The following NAV3 variants were observed in gnomAD, a reference collection of about 807,000 sequenced individuals.
NAV3 encodes the protein pore membrane and/or filament interacting like protein 1.
NAV3 carries 87 observed loss-of-function variants against 244.7 expected under a neutral mutation model. That is an observed-to-expected ratio of 0.36 (90% CI 0.30 to 0.42). NAV3 has a LOEUF of 0.42. NAV3 is among the 20% of genes least tolerant of loss of function. NAV3 has a pLI of 1.00. For missense variants in NAV3, 2,663 were observed against 2,893.3 expected, an observed-to-expected ratio of 0.92 and a Z score of 1.83; for synonymous variants, 1,126 against 1,042.2, an observed-to-expected ratio of 1.08 and a Z score of -1.55.
At chr12:78,046,924 G>T (rs1365358456) in intron 9 of NAV3, among the ~76,000 whole-genome samples, 1 of 152,088 alleles carries the variant, frequency 6.6e-6, no homozygotes, top group African/African-American at 2.4e-5. Flanking sequence ...TCTGTTTTGG[G>T]TGCATATATA....
intron 39 of NAV3, among the ~76,000 whole-genome samples, chr12:78,209,116 T>C (rs932220582): frequency 3.9e-4 from 59 of 152,322 alleles, no homozygotes; most frequent in African/African-American, 1.4e-3. Flanking sequence ...GAGAGTCAGA[T>C]TGAAAATTAG....
intron 39 of NAV3, among the ~76,000 whole-genome samples, chr12:78,209,520 C>G (rs1960679420): frequency 6.6e-6 from 1 of 151,102 alleles, no homozygotes; most frequent in Non-Finnish European, 1.5e-5. Context: ...CATTTATTCA[C>G]AATTTGCCTT....
intron 2 of NAV3, among the ~76,000 whole-genome samples, chr12:77,598,804 A>G (rs1870289728): frequency 6.6e-6 from 1 of 151,960 alleles, no homozygotes; most frequent in South Asian, 2.1e-4. Flanking sequence ...CACCTCTAAA[A>G]GTTTACCCAT....
chr12:77,683,587 A>G (rs562348191), intron 2 of NAV3, among the ~76,000 whole-genome samples: 2 of 152,294 alleles, frequency 1.3e-5, no homozygotes, highest in Non-Finnish European at 2.9e-5. Context: ...TAGAGATTGC[A>G]CTGAATCTGT....
intron 2 of NAV3, among the ~76,000 whole-genome samples, chr12:77,621,636 C>T (rs923925777): frequency 1.2e-4 from 19 of 152,024 alleles, no homozygotes; most frequent in Admixed American, 7.2e-4. Flanking sequence ...CAAGCCACCA[C>T]GCCCAGCTAA....
rs1960918075 is a variant in NAV3 at position 78,211,991 on chromosome 12, C to T, written c.*1474C>T. The T allele has an allele frequency of 6.6e-6, 1 of 152,582 alleles. No homozygotes were observed. The highest frequency in any genetic ancestry group is 6.6e-5 in the Admixed American group (1 of 15,260). The allele number at this position is 152,582 out of a possible 1,614,324, so 9.5% of individuals were successfully genotyped here. A position where few individuals can be genotyped will look rare whatever the true frequency, so the allele number is the denominator to read the frequency against. ...TTGGTGTTAAGAGGTGTTTCACTTG[C>T]TGAGATTTCCTGTACATTGCAAACA... On this transcript the variant is annotated 3_prime_UTR_variant, in exon 40 of 40. Coordinates refer to ENST00000397909, the MANE Select transcript of NAV3 (RefSeq NM_001024383.2).
intron 6 of NAV3, among the ~76,000 whole-genome samples, chr12:77,995,724 C>A (rs2136413891): frequency 6.6e-6 from 1 of 152,148 alleles, no homozygotes; most frequent in South Asian, 2.1e-4. Context: ...TATTCATTTC[C>A]AGAGTAGCCA....
intron 2 of NAV3, among the ~76,000 whole-genome samples, chr12:77,621,650 T>A (rs1871378330): frequency 1.3e-5 from 2 of 152,014 alleles, no homozygotes; most frequent in Admixed American, 1.3e-4. Context: ...CAGCTAATTT[T>A]TGTATTTTTA....
At chr12:78,029,297 CAT>C (rs1310272152) in intron 9 of NAV3, among the ~76,000 whole-genome samples, 2 of 151,824 alleles carry the variant, frequency 1.3e-5, no homozygotes, top group Admixed American at 1.3e-4. Context: ...ACATTGATAA[CAT>C]AGCCAAAATG....
At chr12:78,059,300 G>A (rs767427563) in intron 12 of NAV3, among the ~76,000 whole-genome samples, 185 bp downstream of exon 12, 1 of 150,650 alleles carries the variant, frequency 6.6e-6, no homozygotes, top group Non-Finnish European at 1.5e-5. Context: ...CGTTTTTTTT[G>A]TGTGTGTGAG....
chr12:77,865,507 T>C (rs1338738058), intron 1 of NAV3, among the ~76,000 whole-genome samples: 1 of 152,082 alleles, frequency 6.6e-6, no homozygotes, highest in Non-Finnish European at 1.5e-5. Context: ...CATATCCTCA[T>C]TAATTAATGT....
intron 2 of NAV3, among the ~76,000 whole-genome samples, chr12:77,688,859 G>A (rs540505709): frequency 3.3e-5 from 5 of 151,834 alleles, no homozygotes; most frequent in South Asian, 2.1e-4. Context: ...ACAGTGTGCC[G>A]CATGATTTAT....
chr12:78,024,130 A>T (rs537503688), intron 9 of NAV3, among the ~76,000 whole-genome samples: 1 of 152,256 alleles, frequency 6.6e-6, no homozygotes, highest in South Asian at 2.1e-4. Context: ...ACCGTTCTTC[A>T]CCAACCTCCG....
chr12:77,596,146 T>C (rs1388629956), intron 2 of NAV3, among the ~76,000 whole-genome samples: 5 of 152,176 alleles, frequency 3.3e-5, no homozygotes, highest in Admixed American at 2.6e-4. Flanking sequence ...ACAGCTCTGG[T>C]ACTTTCCTCG....
chr12:77,654,105 A>T (rs1872954863), intron 2 of NAV3, among the ~76,000 whole-genome samples: 1 of 152,138 alleles, frequency 6.6e-6, no homozygotes, highest in Non-Finnish European at 1.5e-5. Flanking sequence ...CAGTGGGCGC[A>T]GGTCAGTGGG....
Position 77,766,642 on chromosome 12 carries a change from C to A in NAV3, c.73-173677C>A, listed in dbSNP as rs529591205. Among the ~76,000 whole-genome samples the A allele has an allele frequency of 1.2e-4, 18 of 146,586 alleles. No homozygotes were observed. The South Asian group carries it at 3.5e-3, about 28-fold the overall frequency. On this transcript the variant is annotated intron_variant, in intron 2 of 8. Coordinates refer to the NAV3 transcript ENST00000550042. ...TCACTTAAATTCTCAACTTCAGTCTCTTTCTATTTTTTAAAATGGTAATCT... is the reference window on the plus strand; with the variant it reads ...TCACTTAAATTCTCAACTTCAGTCTATTTCTATTTTTTAAAATGGTAATCT...
intron 1 of NAV3, among the ~76,000 whole-genome samples, chr12:77,901,893 G>A (rs911242298): frequency 1.3e-5 from 2 of 152,070 alleles, no homozygotes; most frequent in Non-Finnish European, 2.9e-5. Context: ...AGATGCCCCA[G>A]TACTGTTTTT....
At chr12:78,192,103 CATCT>C (rs1367593115) in intron 34 of NAV3, among the ~76,000 whole-genome samples, 3 of 151,724 alleles carry the variant, frequency 2.0e-5, no homozygotes, top group African/African-American at 7.3e-5. Flanking sequence ...TCTATCTATC[CATCT>C]ATCTATATAT....
chr12:77,960,756 A>G (rs558672029), intron 3 of NAV3, among the ~76,000 whole-genome samples: 174 of 147,382 alleles, frequency 1.2e-3, no homozygotes, highest in African/African-American at 4.2e-3. Context: ...TAATATATGC[A>G]TATATATGAT....
Sources: gnomAD v4.1 joint callset for allele counts (sites outside exome capture counted in the v4.1 genomes callset) on GRCh38, gnomAD v4.1.1 for gene constraint, MANE v1.5 for transcripts, NCBI Gene and HGNC (gene_info 2026-07-23, HGNC 2026-07-21) for gene names.